The following TMCO4 variants were observed in gnomAD, a reference collection of about 807,000 sequenced individuals.
The protein encoded by TMCO4 is transmembrane and coiled-coil domains 4, also known as transmembrane and coiled-coil domain-containing protein 4.
TMCO4 carries 58 observed loss-of-function variants against 64.7 expected under a neutral mutation model. The ratio of observed to expected loss-of-function variants is 0.90; its 90% confidence interval spans 0.73 to 1.12. The LOEUF is 1.12. TMCO4 is among the 50% of genes most tolerant of loss of function. TMCO4 has a pLI of 0.00. For synonymous variants in TMCO4, 325 were observed against 346.1 expected (o/e 0.94, Z 0.68); for missense variants, 780 against 825.9 (o/e 0.94, Z 0.68).
At chr1:19,690,248 A>G (rs1421321298) in intron 15 of TMCO4, among the ~76,000 whole-genome samples, 1 of 152,266 alleles carries the variant, frequency 6.6e-6, no homozygotes, top group Non-Finnish European at 1.5e-5. Context: ...GTGGGTACCC[A>G]GAAAGGCTGT....
At chr1:19,791,582 A>G (rs1161134324) in intron 2 of TMCO4, among the ~76,000 whole-genome samples, 1 of 152,192 alleles carries the variant, frequency 6.6e-6, no homozygotes, top group Non-Finnish European at 1.5e-5. Flanking sequence ...CTGATTTGGG[A>G]TCAGGATCCA....
chr1:19,699,372 A>C (rs1176241984), intron 14 of TMCO4, among the ~76,000 whole-genome samples: 1 of 151,828 alleles, frequency 6.6e-6, no homozygotes, highest in Non-Finnish European at 1.5e-5. Flanking sequence ...GGGACACTGA[A>C]TTCAGGGAAG....
Position 19,747,151 on chromosome 1 carries a change from A to T in TMCO4, c.613+12T>A. ...AACCCAGACGTGTGCCACCATCTCTAGCTGGACTCACCGATCACCGTTCCG... is the reference window on the plus strand; with the variant it reads ...AACCCAGACGTGTGCCACCATCTCTTGCTGGACTCACCGATCACCGTTCCG... On this transcript the variant is annotated intron_variant, in intron 8 of 15. Coordinates refer to ENST00000294543, the MANE Select transcript of TMCO4 (RefSeq NM_181719.7). 1 of 1,613,272 alleles carries T rather than the reference A, an allele frequency of 6.2e-7. No individual in the cohort carries two copies. Among genetic ancestry groups the T allele is most frequent in the Non-Finnish European group, 8.5e-7 (1 of 1,179,404 alleles).
intron 15 of TMCO4, among the ~76,000 whole-genome samples, chr1:19,691,746 G>A (rs1454368439): frequency 7.9e-5 from 12 of 152,204 alleles, no homozygotes; most frequent in Non-Finnish European, 1.6e-4. Flanking sequence ...TGGAAACTGG[G>A]TGATATGGTT....
chr1:19,778,353 A>G (rs1424828521), intron 4 of TMCO4, among the ~76,000 whole-genome samples: 1 of 151,754 alleles, frequency 6.6e-6, no homozygotes, highest in Admixed American at 6.6e-5. Context: ...GGCTCATTGC[A>G]ACCTCTGCCT....
At chr1:19,792,684 G>T (rs1289723527) in intron 2 of TMCO4, among the ~76,000 whole-genome samples, 3 of 150,816 alleles carry the variant, frequency 2.0e-5, no homozygotes, top group Admixed American at 2.0e-4. Context: ...ATGCAAGAAT[G>T]AACTTTTGTT....
In TMCO4 at chr1:19,734,401, T is replaced by A. The variant is rs548109464; in HGVS notation, c.1264+2971A>T. 1.3e-5 allele frequency among the ~76,000 whole-genome samples: 2 copies of A among 152,290 alleles called. No individual in the cohort carries two copies. The highest frequency in any genetic ancestry group is 4.1e-4 in the South Asian group (2 of 4,826). On this transcript the variant is annotated intron_variant, in intron 13 of 15. Coordinates refer to ENST00000294543, the MANE Select transcript of TMCO4 (RefSeq NM_181719.7). This position sits in a 1 kb window ranked among gnomAD's most constrained non-coding sequence, Gnocchi z 4.4. Reference sequence around the variant, plus strand: ...GCAGGTGTGTGTGTGAGTGTGCATATGTGCGCATGTGTGTGAACTGTAGGG... The same window carrying A: ...GCAGGTGTGTGTGTGAGTGTGCATAAGTGCGCATGTGTGTGAACTGTAGGG...
At chr1:19,697,290 C>G (rs919245877) in intron 14 of TMCO4, among the ~76,000 whole-genome samples, 5 of 152,220 alleles carry the variant, frequency 3.3e-5, no homozygotes, top group African/African-American at 1.2e-4. Context: ...CAGGGTCTTG[C>G]TCTGTTGCTC....
rs1290138982 is a variant in TMCO4, at chr1:19,700,874, T to C, written c.1276A>G (p.Ile426Val). ...CCCAGCAGGATGACGTCCTCGATGA[T>C]TCCTTGGCAATCTGGCAAAAGACCC... ...EMAQEKDCQG[I>V]IEDVILLGAP... The change falls in exon 14 of 16, where the codon ATC becomes GTC. Residue 426 changes from isoleucine to valine, a missense_variant. Physicochemically the swap from Ile to Val is conservative, Grantham distance 29. Coordinates refer to ENST00000294543, the MANE Select transcript of TMCO4 (RefSeq NM_181719.7). The C allele has an allele frequency of 1.2e-6, 2 of 1,614,144 alleles. No homozygotes were observed. The highest frequency in any genetic ancestry group is 2.2e-5 in the East Asian group (1 of 44,872).
rs1055784481 is a variant in TMCO4, at chr1:19,734,604, G to C, written c.1264+2768C>G. ...ATTAGCATTTCCCACCAACCCACCT[G>C]GGGGGCCTCTTACGTGGGCTGCAGA... On this transcript the variant is annotated intron_variant, in intron 13 of 15. Transcript: ENST00000294543. This position sits in a 1 kb window ranked among gnomAD's most constrained non-coding sequence, Gnocchi z 4.4. 6.6e-6 allele frequency among the ~76,000 whole-genome samples: 1 copy of C among 151,982 alleles called. No individual in the cohort carries two copies. Among genetic ancestry groups the C allele is most frequent in the Non-Finnish European group, 1.5e-5 (1 of 67,958 alleles).
intron 13 of TMCO4, among the ~76,000 whole-genome samples, chr1:19,706,929 T>C (rs1219307134): frequency 6.6e-6 from 1 of 152,250 alleles, no homozygotes; most frequent in Non-Finnish European, 1.5e-5. Flanking sequence ...ATTGCACAGC[T>C]CTATATATGT....
At chr1:19,760,979 C>T (rs1451127541) in intron 6 of TMCO4, among the ~76,000 whole-genome samples, 1 of 152,206 alleles carries the variant, frequency 6.6e-6, no homozygotes, top group Non-Finnish European at 1.5e-5. Flanking sequence ...ACCAATAATC[C>T]TATTAATCTG....
intron 14 of TMCO4, among the ~76,000 whole-genome samples, chr1:19,695,522 T>C (rs1035032780): frequency 6.6e-6 from 1 of 152,212 alleles, no homozygotes; most frequent in African/African-American, 2.4e-5. Context: ...GGTGTTATTT[T>C]TGCACACTGG....
chr1:19,787,028 A>C lies in TMCO4; in HGVS notation c.-11T>G, dbSNP rs1015723699. ...GAAAAGAAACCTTCAATACTTACCC[A>C]GATTTCAAGAAACAGCCGTGGGCCT... On this transcript the variant is annotated splice_region_variant and 5_prime_UTR_variant, in exon 3 of 16. Coordinates refer to ENST00000294543, the MANE Select transcript of TMCO4 (RefSeq NM_181719.7). 3 of 152,304 alleles carry C rather than the reference A, an allele frequency of 2.0e-5. No individual in the cohort carries two copies. Among genetic ancestry groups the C allele is most frequent in the African/African-American group, 7.2e-5 (3 of 41,462 alleles). The allele number at this position is 152,304 out of a possible 1,614,324, so 9.4% of individuals were successfully genotyped here.
At chr1:19,754,689 A>G (rs181688571) in intron 7 of TMCO4, among the ~76,000 whole-genome samples, 37 of 152,292 alleles carry the variant, frequency 2.4e-4, no homozygotes, top group African/African-American at 8.9e-4. Flanking sequence ...CGTTCTGCAA[A>G]GAGCTGAGCA....
chr1:19,777,541 G>A (rs1399622398), intron 4 of TMCO4, among the ~76,000 whole-genome samples: 3 of 152,054 alleles, frequency 2.0e-5, no homozygotes, highest in Non-Finnish European at 4.4e-5. Context: ...TAGATTCGGG[G>A]TTCTGCCATG....
At chr1:19,713,081 T>C (rs1391189391) in intron 13 of TMCO4, among the ~76,000 whole-genome samples, 1 of 152,170 alleles carries the variant, frequency 6.6e-6, no homozygotes, top group Non-Finnish European at 1.5e-5. Flanking sequence ...TCCTGAGGCC[T>C]AGGTTTGAAA....
chr1:19,694,811 C>A (rs1476695428), intron 14 of TMCO4, among the ~76,000 whole-genome samples: 1 of 152,216 alleles, frequency 6.6e-6, no homozygotes, highest in Non-Finnish European at 1.5e-5. Context: ...GCTTTGTTCC[C>A]AGCTGGGTCT....
chr1:19,723,944 C>G (rs932060246), intron 13 of TMCO4, among the ~76,000 whole-genome samples: 1 of 152,186 alleles, frequency 6.6e-6, no homozygotes, highest in Non-Finnish European at 1.5e-5. Context: ...ACAGAGACAA[C>G]CCACATTCAA....
Sources: allele counts gnomAD v4.1 joint callset (sites outside exome capture counted in the v4.1 genomes callset), GRCh38; gene constraint gnomAD v4.1.1; non-coding constraint Gnocchi (gnomAD v3.1); transcripts MANE v1.5; gene names NCBI Gene and HGNC (gene_info 2026-07-23, HGNC 2026-07-21).